Variants in KIAA0825 observed in about 807,000 individuals in gnomAD.
KIAA0825 encodes KIAA0825, also known as uncharacterized protein KIAA0825.
Under a neutral mutation model 147.6 loss-of-function variants are expected in KIAA0825, and 119 were observed. That is an observed-to-expected ratio of 0.81 (90% CI 0.69 to 0.94). KIAA0825 has a LOEUF of 0.94. Ranked by LOEUF, KIAA0825 falls within the 40% of genes least tolerant of loss-of-function variation. KIAA0825 has a pLI of 0.00. For missense variants in KIAA0825, 1,381 were observed against 1,472.7 expected, an observed-to-expected ratio of 0.94 and a Z score of 1.02; for synonymous variants, 470 against 518.1, an observed-to-expected ratio of 0.91 and a Z score of 1.26.
intron 20 of KIAA0825, among the ~76,000 whole-genome samples, chr5:94,242,005 T>C (rs1349756138): frequency 6.6e-6 from 1 of 152,244 alleles, no homozygotes; most frequent in Non-Finnish European, 1.5e-5. Context: ...ATAACTCATT[T>C]ATATGGAAAG....
At chr5:94,530,235 C>T (rs112595117) in intron 3 of KIAA0825, among the ~76,000 whole-genome samples, 21 of 135,828 alleles carry the variant, frequency 1.5e-4, no homozygotes, top group African/African-American at 5.0e-4. Flanking sequence ...TGCACCATTG[C>T]ACTCCAGCCT....
intron 20 of KIAA0825, among the ~76,000 whole-genome samples, chr5:94,342,913 C>T (rs1038480785): frequency 2.6e-5 from 4 of 151,882 alleles, no homozygotes; most frequent in African/African-American, 9.7e-5. Context: ...GTGAGTTGAG[C>T]AAAGACTCAG....
intron 20 of KIAA0825, among the ~76,000 whole-genome samples, chr5:94,192,144 A>C (rs999402177): frequency 6.6e-6 from 1 of 152,238 alleles, no homozygotes. Flanking sequence ...TTATTAGTCC[A>C]ACTTCCCACG....
At chr5:94,548,899 C>G (rs1224443210) in intron 2 of KIAA0825, among the ~76,000 whole-genome samples, 2 of 152,112 alleles carry the variant, frequency 1.3e-5, no homozygotes, top group Non-Finnish European at 2.9e-5. Flanking sequence ...AATATATATG[C>G]ACCCAACACT....
intron 20 of KIAA0825, among the ~76,000 whole-genome samples, chr5:94,264,427 C>T (rs1176188404): frequency 6.6e-6 from 1 of 152,114 alleles, no homozygotes; most frequent in African/African-American, 2.4e-5. Flanking sequence ...CCTTCTATGG[C>T]TTTGTTTTTC....
At chr5:94,320,466 C>T (rs1352045771) in intron 20 of KIAA0825, among the ~76,000 whole-genome samples, 1 of 151,808 alleles carries the variant, frequency 6.6e-6, no homozygotes, top group African/African-American at 2.4e-5. Flanking sequence ...ACCAACCTGT[C>T]TTCATCCACC....
chr5:94,313,246 G>A (rs1273233332), intron 20 of KIAA0825, among the ~76,000 whole-genome samples: 1 of 151,652 alleles, frequency 6.6e-6, no homozygotes, highest in Non-Finnish European at 1.5e-5. Flanking sequence ...AAGAAAAGGT[G>A]TGATAATGTA....
chr5:94,263,635 C>T (rs1305347644), intron 20 of KIAA0825, among the ~76,000 whole-genome samples: 1 of 152,072 alleles, frequency 6.6e-6, no homozygotes. Context: ...TTCGCCAAGA[C>T]CTTTTTCTTC....
chr5:94,444,767 A>G (rs927494817), intron 13 of KIAA0825, among the ~76,000 whole-genome samples: 1 of 152,110 alleles, frequency 6.6e-6, no homozygotes, highest in Non-Finnish European at 1.5e-5. Flanking sequence ...TATGACCCTG[A>G]AGAATCAATG....
chr5:94,155,289 C>T (rs2149902487), intron 20 of KIAA0825, among the ~76,000 whole-genome samples: 1 of 147,784 alleles, frequency 6.8e-6, no homozygotes, highest in East Asian at 2.0e-4. Context: ...ACAACTATGG[C>T]TCACTGCGGG....
chr5:94,434,076 G>A (rs1329829189), intron 14 of KIAA0825, among the ~76,000 whole-genome samples: 1 of 152,160 alleles, frequency 6.6e-6, no homozygotes, highest in African/African-American at 2.4e-5. Flanking sequence ...AATCTTCTGT[G>A]ATCATTTGTA....
intron 1 of KIAA0825, among the ~76,000 whole-genome samples, chr5:94,603,266 AT>A (rs1309191273): frequency 6.6e-6 from 1 of 152,230 alleles, no homozygotes; most frequent in Non-Finnish European, 1.5e-5. Flanking sequence ...CTGGGGGCCA[AT>A]ATTTAGCATT....
intron 20 of KIAA0825, among the ~76,000 whole-genome samples, chr5:94,314,817 T>G (rs1454899143): frequency 6.6e-6 from 1 of 151,570 alleles, no homozygotes; most frequent in African/African-American, 2.4e-5. Flanking sequence ...AAGGCCGGCG[T>G]GTATATTCTG....
intron 20 of KIAA0825, among the ~76,000 whole-genome samples, chr5:94,158,721 T>C (rs1167149604): frequency 6.6e-6 from 1 of 152,172 alleles, no homozygotes; most frequent in Non-Finnish European, 1.5e-5. Context: ...GTGCTGGATT[T>C]AAATCCCTTA....
chr5:94,516,922 G>GC (rs1437851391), intron 5 of KIAA0825, among the ~76,000 whole-genome samples: 1 of 151,976 alleles, frequency 6.6e-6, no homozygotes, highest in Non-Finnish European at 1.5e-5. Flanking sequence ...CCAAAATGGC[G>GC]AAACACCATC....
Position 94,152,217 on chromosome 5 carries a change from C to G in KIAA0825, c.*1790G>C, listed in dbSNP as rs1227328471. Reference sequence around the variant, plus strand: ...AAGAGATTTCCTAATGTGGCCTCCTCTGCACCCCAAGCTTTTACTCTTTGA... The same window carrying G: ...AAGAGATTTCCTAATGTGGCCTCCTGTGCACCCCAAGCTTTTACTCTTTGA... On this transcript the variant is annotated 3_prime_UTR_variant, in exon 21 of 21. Transcript: ENST00000682413. 1.3e-5 allele frequency among the ~76,000 whole-genome samples: 2 copies of G among 152,200 alleles called. No homozygotes were observed. Among genetic ancestry groups the G allele is most frequent in the African/African-American group, 2.4e-5 (1 of 41,442 alleles).
In KIAA0825 at chr5:94,229,769, T is replaced by C. The variant is rs185032493; in HGVS notation, c.3711-75645A>G. ...TTTTATTAGTGCCTTGTTCTTGTTATAAGAATCCAATAGCTATTCTTAATT... is the reference window on the plus strand; with the variant it reads ...TTTTATTAGTGCCTTGTTCTTGTTACAAGAATCCAATAGCTATTCTTAATT... On this transcript the variant is annotated intron_variant, in intron 20 of 20. Coordinates refer to ENST00000682413, the MANE Select transcript of KIAA0825 (RefSeq NM_001145678.3). Among the ~76,000 whole-genome samples, 116 of 152,260 alleles carry C rather than the reference T, an allele frequency of 7.6e-4. 1 individual carries two copies. Among genetic ancestry groups the C allele is most frequent in the African/African-American group, 2.4e-3 (99 of 41,582 alleles).
At chr5:94,224,082 CTTTTTTTTTTTT>C (rs869059424) in intron 20 of KIAA0825, among the ~76,000 whole-genome samples, 76 of 56,484 alleles carry the variant, frequency 1.3e-3, no homozygotes, top group African/African-American at 4.7e-3. Flanking sequence ...TTTTTCTTTT[CTTTTTTTTTTTT>C]TTTTTTTTTT....
chr5:94,327,877 G>T (rs1008032745), intron 20 of KIAA0825, among the ~76,000 whole-genome samples: 6 of 151,960 alleles, frequency 3.9e-5, no homozygotes, highest in Non-Finnish European at 1.5e-5. Context: ...GTGGTGGTGC[G>T]GGCCTGTAGT....
Sources: gnomAD v4.1 joint callset for allele counts (sites outside exome capture counted in the v4.1 genomes callset) on GRCh38, gnomAD v4.1.1 for gene constraint, MANE v1.5 for transcripts, NCBI Gene and HGNC (gene_info 2026-07-23, HGNC 2026-07-21) for gene names.